The following C8orf34 variants were observed in gnomAD, a reference collection of about 807,000 sequenced individuals.
C8orf34 encodes the protein uncharacterized protein C8orf34.
Under a neutral mutation model 68.3 loss-of-function variants are expected in C8orf34, and 65 were observed. The ratio of observed to expected loss-of-function variants is 0.95; its 90% confidence interval spans 0.78 to 1.17. C8orf34 has a LOEUF of 1.17. Among genes scored for constraint, C8orf34 ranks in the 50% most tolerant of loss-of-function variants. C8orf34 has a pLI of 0.00. For synonymous variants in C8orf34, 244 were observed against 241.2 expected, an observed-to-expected ratio of 1.01 and a Z score of -0.11; for missense variants, 664 against 655.4, an observed-to-expected ratio of 1.01 and a Z score of -0.14.
chr8:68,568,794 G>A (rs191507102), intron 7 of C8orf34, among the ~76,000 whole-genome samples: 165 of 152,316 alleles, frequency 1.1e-3, no homozygotes, highest in African/African-American at 3.8e-3. Context: ...AAAGGATCCT[G>A]TCTTTAAGTT....
chr8:68,686,304 C>T (rs1381745567), intron 8 of C8orf34, among the ~76,000 whole-genome samples: 1 of 151,994 alleles, frequency 6.6e-6, no homozygotes, highest in Admixed American at 6.6e-5. Context: ...CACCCTAATA[C>T]TGAAACCAGG....
chr8:68,726,384 G>T (rs369225661), intron 10 of C8orf34, among the ~76,000 whole-genome samples: 20 of 152,280 alleles, frequency 1.3e-4, no homozygotes, highest in African/African-American at 4.8e-4. Flanking sequence ...AGAAACCAGA[G>T]CAGTATGGAA....
intron 7 of C8orf34, among the ~76,000 whole-genome samples, chr8:68,564,057 AG>A (rs1816513057): frequency 4.6e-5 from 7 of 152,354 alleles, no homozygotes; most frequent in African/African-American, 1.7e-4. Flanking sequence ...ATAACTATAG[AG>A]TCTGCATATC....
intron 4 of C8orf34, among the ~76,000 whole-genome samples, chr8:68,476,352 T>G (rs1300147560): frequency 1.3e-5 from 2 of 152,146 alleles, no homozygotes; most frequent in Non-Finnish European, 2.9e-5. Context: ...GTTATCCAAA[T>G]CAAATTTGGA....
chr8:68,593,063 T>C (rs1488811572), intron 7 of C8orf34, among the ~76,000 whole-genome samples: 1 of 152,274 alleles, frequency 6.6e-6, no homozygotes, highest in Non-Finnish European at 1.5e-5. Context: ...TATCAAGACA[T>C]GAAGTCCTCA....
chr8:68,781,675 T>C (rs1823683361), intron 11 of C8orf34, among the ~76,000 whole-genome samples: 1 of 152,202 alleles, frequency 6.6e-6, no homozygotes, highest in Non-Finnish European at 1.5e-5. Flanking sequence ...GTGGTGCTTG[T>C]TGGCACTGAT....
At chr8:68,750,955 G>C (rs1822687393) in intron 10 of C8orf34, among the ~76,000 whole-genome samples, 1 of 152,092 alleles carries the variant, frequency 6.6e-6, no homozygotes, top group Admixed American at 6.6e-5. Flanking sequence ...CTGAAACCGG[G>C]AGTTAAGAGA....
chr8:68,577,126 G>A (rs1277208010), intron 7 of C8orf34, among the ~76,000 whole-genome samples: 2 of 151,692 alleles, frequency 1.3e-5, no homozygotes, highest in African/African-American at 4.8e-5. Flanking sequence ...TCTTAGCTTT[G>A]TGCCGTGGCA....
At chr8:68,400,746 A>C (rs1269071197) in intron 1 of C8orf34, among the ~76,000 whole-genome samples, 1 of 152,106 alleles carries the variant, frequency 6.6e-6, no homozygotes, top group African/African-American at 2.4e-5. Context: ...TTTTTGTGTC[A>C]GTACCATGCT....
intron 5 of C8orf34, among the ~76,000 whole-genome samples, chr8:68,520,146 A>T (rs1306994580): frequency 6.6e-6 from 1 of 152,198 alleles, no homozygotes; most frequent in Non-Finnish European, 1.5e-5. Flanking sequence ...GAAAGAGTTC[A>T]GATTACTTGC....
intron 5 of C8orf34, among the ~76,000 whole-genome samples, chr8:68,519,709 A>T (rs923935330): frequency 3.3e-5 from 5 of 152,114 alleles, no homozygotes; most frequent in Admixed American, 1.3e-4. Flanking sequence ...CAAATTTTTT[A>T]AAAAATGGTC....
intron 8 of C8orf34, among the ~76,000 whole-genome samples, chr8:68,670,204 C>T (rs915213558): frequency 3.3e-5 from 5 of 152,112 alleles, no homozygotes; most frequent in Non-Finnish European, 5.9e-5. Context: ...ACACTTTGAA[C>T]TAAAACAAGA....
rs147869877 is a variant in C8orf34 at position 68,442,316 on chromosome 8, A to G, written c.475+2670A>G. Among the ~76,000 whole-genome samples, 524 of 152,292 alleles carry G rather than the reference A, an allele frequency of 3.4e-3. 1 individual carries two copies. Among genetic ancestry groups the G allele is most frequent in the Admixed American group, 7.3e-3 (111 of 15,298 alleles). On this transcript the variant is annotated intron_variant, in intron 2 of 13. Coordinates refer to ENST00000518698, the MANE Select transcript of C8orf34 (RefSeq NM_052958.4). ...TCACGCAGTTCTGGGGCCTAACAGA[A>G]GTCAAGGACATGAATTAATTATTAT...
chr8:68,750,057 G>A (rs1189754028), intron 10 of C8orf34, among the ~76,000 whole-genome samples: 4 of 152,120 alleles, frequency 2.6e-5, no homozygotes, highest in Non-Finnish European at 4.4e-5. Context: ...CAATTCTTAA[G>A]GGAACAAAAT....
In C8orf34 at chr8:68,787,464, C is replaced by T; in HGVS notation, c.1477C>T (p.Gln493Ter). The change falls in exon 12 of 14, where the codon CAG (glutamine) becomes TAG (stop). Residue 493 changes from glutamine to a stop codon, truncating the protein, a stop_gained. Transcript: ENST00000518698. LOFTEE classifies it high-confidence loss of function. ...GCAGGATGAATCCTTAAAGCAATTG[C>T]AGGTAGTTCATCAACCATGGATCTT... is the stretch of plus-strand genomic sequence containing the variant. The part of the protein sequence containing the change: ...MEEDESLKQL[Q>*]VVHQPWILPS... 1.2e-6 allele frequency: 2 copies of T among 1,611,200 alleles called. No homozygotes were observed. The highest frequency in any genetic ancestry group is 1.7e-6 in the Non-Finnish European group (2 of 1,178,196).
rs754379412 is a variant in C8orf34, at chr8:68,439,602, C to T, written c.431C>T (p.Thr144Ile). Residue 144 changes from threonine to isoleucine, a missense_variant, in exon 2 of 14, where the codon ACT becomes ATT. Thr to Ile is a moderately conservative substitution (Grantham distance 89, BLOSUM62 -1). Transcript: ENST00000518698. ...KQGNRGQLQRTLSGSAALWAE... is the reference protein window; with the variant it reads ...KQGNRGQLQRILSGSAALWAE... Reference sequence around the variant, plus strand: ...GGGAACCGTGGACAACTTCAAAGAACTTTGTCTGGATCTGCAGCTCTATGG... The same window carrying T: ...GGGAACCGTGGACAACTTCAAAGAATTTTGTCTGGATCTGCAGCTCTATGG... The T allele has an allele frequency of 2.0e-5, 33 of 1,613,424 alleles. No individual in the cohort carries two copies. The highest frequency in any genetic ancestry group is 2.7e-5 in the Non-Finnish European group (32 of 1,179,680).
intron 1 of C8orf34, among the ~76,000 whole-genome samples, chr8:68,408,884 G>A (rs917920793): frequency 6.6e-5 from 10 of 152,156 alleles, no homozygotes; most frequent in Admixed American, 6.5e-5. Context: ...TGCCTCCTGC[G>A]TTCAAGCGAT....
intron 7 of C8orf34, among the ~76,000 whole-genome samples, chr8:68,555,175 T>C (rs921706216): frequency 2.0e-5 from 3 of 152,168 alleles, no homozygotes; most frequent in African/African-American, 7.2e-5. Context: ...AGAACAAGCA[T>C]TGGAGACAGA....
chr8:68,707,127 C>G (rs1821189940), intron 8 of C8orf34, among the ~76,000 whole-genome samples: 1 of 152,158 alleles, frequency 6.6e-6, no homozygotes, highest in South Asian at 2.1e-4. Context: ...CCATACACCC[C>G]TTGTTTGCAT....
Sources: gnomAD v4.1 joint callset for allele counts (sites outside exome capture counted in the v4.1 genomes callset) on GRCh38, gnomAD v4.1.1 for gene constraint, MANE v1.5 for transcripts, NCBI Gene and HGNC (gene_info 2026-07-23, HGNC 2026-07-21) for gene names.